PPP1R13L: variants seen among roughly 807,000 people sequenced by gnomAD.
PPP1R13L encodes the protein protein phosphatase 1 regulatory subunit 13 like, also known as relA-associated inhibitor.
A neutral mutation model predicts 80.9 loss-of-function variants in PPP1R13L; 50 were observed. The ratio of observed to expected loss-of-function variants is 0.62; its 90% CI spans 0.49 to 0.78. PPP1R13L has a LOEUF of 0.78. Among genes scored for constraint, PPP1R13L ranks in the 30% least tolerant of loss-of-function variants. The pLI is 0.00. For missense variants in PPP1R13L, 1,200 were observed against 1,205.9 expected (o/e 1.00, Z 0.07); for synonymous variants, 602 against 534.3 (o/e 1.13, Z -1.75).
At chr19:45,387,794 G>A (rs557824450) in intron 8 of PPP1R13L, among the ~76,000 whole-genome samples, 3 of 152,180 alleles carry the variant, frequency 2.0e-5, no homozygotes, top group South Asian at 2.1e-4. Flanking sequence ...CTCGTGATCC[G>A]CCCACCTCGG....
Position 45,388,134 on chromosome 19 carries a change from C to T in PPP1R13L, c.1816-1954G>A, listed in dbSNP as rs142339268. The stretch of plus-strand genomic sequence containing the variant: ...AGTGAGCTGAGATGGCACCATCGCA[C>T]TCCAGCCTGGGTGACAGAGTGAGAC... On this transcript the variant is annotated intron_variant, in intron 8 of 12. Coordinates refer to ENST00000360957, the MANE Select transcript of PPP1R13L (RefSeq NM_006663.4). Among the ~76,000 whole-genome samples the T allele has an allele frequency of 3.5e-4, 53 of 151,656 alleles. 1 individual carries two copies. The East Asian group carries it at 0.01, about 29-fold the overall frequency.
chr19:45,405,668 C>T (rs758480968), upstream of PPP1R13L, among the ~76,000 whole-genome samples: 1 of 152,234 alleles, frequency 6.6e-6, no homozygotes, highest in Non-Finnish European at 1.5e-5. Flanking sequence ...ACCCTCCCTC[C>T]GCTCTGGAAA....
Position 45,382,722 on chromosome 19 carries a change from G to A in PPP1R13L, c.2253C>T (p.Val751=). 3 of 1,613,958 alleles carry A rather than the reference G, an allele frequency of 1.9e-6. No individual in the cohort carries two copies. The highest frequency in any genetic ancestry group is 2.5e-6 in the Non-Finnish European group (3 of 1,180,006). ...TGTTCATCAGCCCCATACTCTGCTCGACGTCTGAAACATGCCACGGAGGGG... is the reference window on the plus strand; with the variant it reads ...TGTTCATCAGCCCCATACTCTGCTCAACGTCTGAAACATGCCACGGAGGGG... ...YADCATYLAD[V]EQSMGLMNSG... is the part of the protein sequence containing the mutation. The change falls in exon 12 of 13, where the codon GTC becomes GTT. Residue 751 remains valine (V), a synonymous_variant. Transcript: ENST00000360957.
intron 1 of PPP1R13L, among the ~76,000 whole-genome samples, chr19:45,401,410 C>T (rs1973231882): frequency 6.6e-6 from 1 of 151,090 alleles, no homozygotes; most frequent in Non-Finnish European, 1.5e-5. Flanking sequence ...GTTGCTCAGG[C>T]TGGTTTTGAA....
At chr19:45,397,472 C>CTCTTTCTTTCTCTCTTTCTT (rs1973132554) in intron 3 of PPP1R13L, among the ~76,000 whole-genome samples, 7 of 83,270 alleles carry the variant, frequency 8.4e-5, no homozygotes, top group Non-Finnish European at 1.4e-4. Context: ...TTCTCTCTCT[C>CTCTTTCTTTCTCTCTTTCTT]TCTTTCTTTC....
chr19:45,393,684 C>T (rs1973024773), intron 7 of PPP1R13L, among the ~76,000 whole-genome samples: 1 of 152,040 alleles, frequency 6.6e-6, no homozygotes, highest in Non-Finnish European at 1.5e-5. Context: ...ACCATCCTGG[C>T]TAACATGATG....
At chr19:45,389,058 C>T (rs1055476066) in intron 8 of PPP1R13L, among the ~76,000 whole-genome samples, 2 of 152,076 alleles carry the variant, frequency 1.3e-5, no homozygotes, top group Admixed American at 6.6e-5. Flanking sequence ...ATTCTAAGAT[C>T]GTGTTCAAAC....
chr19:45,392,162 T>C lies in PPP1R13L; in HGVS notation c.1533A>G (p.Ala511=), dbSNP rs1452944189. The change falls in exon 8 of 13, where the codon GCA becomes GCG. Residue 511 remains alanine (A), a synonymous_variant. Transcript: ENST00000360957. ...GCCGGGGAATTTCCGCCAACACCCG[T>C]GCCACCTCCTCCAGCTCGGGCACCG... ...AQSVPELEEV[A]RVLAEIPRPL... 1 of 1,600,408 alleles carries C rather than the reference T, an allele frequency of 6.2e-7. No individual in the cohort carries two copies. The highest frequency in any genetic ancestry group is 1.3e-5 in the African/African-American group (1 of 74,884).
chr19:45,403,938 T>A (rs1973278108), intron 1 of PPP1R13L, among the ~76,000 whole-genome samples: 1 of 152,022 alleles, frequency 6.6e-6, no homozygotes, highest in South Asian at 2.1e-4. Flanking sequence ...AGAATTAGCC[T>A]CTGTCCCTCC....
chr19:45,404,248 G>T (rs1009670969), intron 1 of PPP1R13L, among the ~76,000 whole-genome samples: 1 of 152,108 alleles, frequency 6.6e-6, no homozygotes, highest in Non-Finnish European at 1.5e-5. Flanking sequence ...TTCTGCCCTG[G>T]GTTCTAGAAC....
chr19:45,390,176 C>T (rs1239031343), intron 8 of PPP1R13L, among the ~76,000 whole-genome samples: 6 of 152,086 alleles, frequency 3.9e-5, no homozygotes, highest in African/African-American at 1.2e-4. Flanking sequence ...CTGCAACCTC[C>T]GCCTTCCGGG....
intron 1 of PPP1R13L, among the ~76,000 whole-genome samples, chr19:45,402,777 CT>C (rs1973258978): frequency 1.3e-5 from 2 of 152,270 alleles, no homozygotes; most frequent in Non-Finnish European, 2.9e-5. Flanking sequence ...GTACTCTCCC[CT>C]GGGCTCCTCT....
chr19:45,396,959 A>G lies in PPP1R13L; in HGVS notation c.298T>C (p.Ser100Pro), dbSNP rs746658600. Reference sequence around the variant, plus strand: ...GGGTGTAGGGTTGGGGCACTCTCTGATCGTCCGAACGGGGTGTCTGCGCCG... The same window carrying G: ...GGGTGTAGGGTTGGGGCACTCTCTGGTCGTCCGAACGGGGTGTCTGCGCCG... The part of the protein sequence containing the change: ...TDGADTPFGR[S>P]ESAPTLHPYS... The change falls in exon 4 of 13, where the codon TCA becomes CCA. Residue 100 changes from serine (S) to proline (P), a missense_variant. Ser to Pro is a moderately conservative substitution (Grantham distance 74). Coordinates refer to ENST00000360957, the MANE Select transcript of PPP1R13L (RefSeq NM_006663.4). The surrounding 1 kb of genome is among the most constrained non-coding windows in gnomAD (Gnocchi z 5.3). 7.1e-7 allele frequency: 1 copy of G among 1,414,072 alleles called. No homozygotes were observed. The highest frequency in any genetic ancestry group is 1.6e-5 in the South Asian group (1 of 62,614). 87.6% of individuals were successfully genotyped at this position (1,414,072 alleles called of 1,614,324 possible). A position where few individuals can be genotyped will look rare whatever the true frequency, so the allele number is the denominator to read the frequency against.
intron 8 of PPP1R13L, among the ~76,000 whole-genome samples, chr19:45,390,802 A>T (rs942644927): frequency 6.6e-6 from 1 of 151,888 alleles, no homozygotes; most frequent in Non-Finnish European, 1.5e-5. Context: ...GTCAGGCTGG[A>T]CTTGAACCTC....
intron 7 of PPP1R13L, chr19:45,395,129 G>A (rs564510512): frequency 6.0e-6 from 2 of 335,042 alleles, no homozygotes; most frequent in East Asian, 7.5e-5. Context: ...ACAGGCATGA[G>A]CCACCGTGCC....
intron 11 of PPP1R13L, 21 bp from the exon 12 acceptor site, chr19:45,382,747 G>T: frequency 6.2e-7 from 1 of 1,613,260 alleles, no homozygotes; most frequent in Non-Finnish European, 8.5e-7. Flanking sequence ...CCACGGAGGG[G>T]AAGGTGAGAG....
intron 7 of PPP1R13L, among the ~76,000 whole-genome samples, chr19:45,393,889 G>A (rs1419473882): frequency 6.6e-6 from 1 of 152,018 alleles, no homozygotes; most frequent in African/African-American, 2.4e-5. Flanking sequence ...GTGAAACTCT[G>A]TCTCAAAAAT....
In PPP1R13L at chr19:45,398,050, TGACCACAGC is replaced by T; in HGVS notation, c.144_152del (p.Leu49_Ser51del). On this transcript the variant is annotated inframe_deletion, in exon 3 of 13. Coordinates refer to ENST00000360957, the MANE Select transcript of PPP1R13L (RefSeq NM_006663.4). ...GCGGGCCAGGAGGCGCGGGAGAGTC[TGACCACAGC>T]GACTCCAGCTGCTTGGTCAGTTCAT... The T allele has an allele frequency of 6.2e-7, 1 of 1,614,126 alleles. No homozygotes were observed. Among genetic ancestry groups the T allele is most frequent in the Non-Finnish European group, 8.5e-7 (1 of 1,179,990 alleles).
In PPP1R13L at chr19:45,396,450, T is replaced by A; in HGVS notation, c.713-14A>T. ...GCGTCAGGTCGTCTGGGGAGAAGTT[T>A]CCAGGGAGGATGAGACGGGAGGGGT... On this transcript the variant is annotated splice_polypyrimidine_tract_variant and intron_variant, in intron 4 of 12. Transcript: ENST00000360957. This position sits in a 1 kb window ranked among gnomAD's most constrained non-coding sequence, Gnocchi z 5.3. The A allele has an allele frequency of 6.2e-7, 1 of 1,613,796 alleles. No homozygotes were observed. Among genetic ancestry groups the A allele is most frequent in the Non-Finnish European group, 8.5e-7 (1 of 1,179,922 alleles).
Sources: allele counts gnomAD v4.1 joint callset (sites outside exome capture counted in the v4.1 genomes callset), GRCh38; gene constraint gnomAD v4.1.1; non-coding constraint Gnocchi (gnomAD v3.1); transcripts MANE v1.5; gene names NCBI Gene and HGNC (gene_info 2026-07-23, HGNC 2026-07-21).